LSAMP: variants seen among roughly 807,000 people sequenced by gnomAD.
LSAMP encodes limbic system associated membrane protein, also known as limbic system-associated membrane protein.
In LSAMP, 7 loss-of-function variants were observed where a neutral mutation model predicts 38.6. That is an observed-to-expected ratio of 0.18 (90% CI 0.10 to 0.34). The LOEUF (loss-of-function observed/expected upper bound fraction) is 0.34. Among genes scored for constraint, LSAMP ranks in the 10% least tolerant of loss-of-function variants. The pLI is 1.00. For missense variants in LSAMP, 313 were observed against 420.0 expected, an observed-to-expected ratio of 0.75 and a Z score of 2.23; for synonymous variants, 154 against 166.8, an observed-to-expected ratio of 0.92 and a Z score of 0.59.
At chr3:116,326,603 T>G (rs1407667301) in intron 1 of LSAMP, among the ~76,000 whole-genome samples, 1 of 152,206 alleles carries the variant, frequency 6.6e-6, no homozygotes, top group South Asian at 2.1e-4. Context: ...AAAGCCAGGG[T>G]TCAGTCCCTA....
intron 1 of LSAMP, among the ~76,000 whole-genome samples, chr3:116,199,428 A>G (rs2045959253): frequency 6.6e-6 from 1 of 152,112 alleles, no homozygotes; most frequent in South Asian, 2.1e-4. Context: ...ATGTTAGTTC[A>G]TTTGCTTTTA....
intron 1 of LSAMP, among the ~76,000 whole-genome samples, chr3:116,366,013 TAAAAAAAAAAAA>T (rs67452614): frequency 1.7e-4 from 5 of 28,686 alleles, no homozygotes; most frequent in East Asian, 3.6e-3. Context: ...TAGAGTATAA[TAAAAAAAAAAAA>T]AAAAAAAAAA....
In LSAMP at chr3:115,826,100, C is replaced by CTTTTATTTTTATTTTTAT. The variant is rs147152802; in HGVS notation, c.920-15704_920-15687dup. ...CTTCCCCTGCTTCTTCTCTTTCTGT[C>CTTTTATTTTTATTTTTAT]TTTTATTTTTATTTTTATTTTTATT... On this transcript the variant is annotated intron_variant, in intron 6 of 6. Coordinates refer to ENST00000490035, the MANE Select transcript of LSAMP (RefSeq NM_002338.5). 1.8e-3 allele frequency among the ~76,000 whole-genome samples: 266 copies of CTTTTATTTTTATTTTTAT among 149,134 alleles called. 4 individuals carry two copies. The highest frequency in any genetic ancestry group is 5.6e-3 in the African/African-American group (223 of 39,614).
At chr3:116,417,032 T>G (rs2049060151) in intron 1 of LSAMP, among the ~76,000 whole-genome samples, 4 of 152,158 alleles carry the variant, frequency 2.6e-5, no homozygotes, top group Admixed American at 2.6e-4. Context: ...TAAATTTGGA[T>G]GCAGTTTGTA....
intron 3 of LSAMP, among the ~76,000 whole-genome samples, chr3:115,923,105 G>A (rs1937420311): frequency 6.6e-6 from 1 of 152,128 alleles, no homozygotes; most frequent in Non-Finnish European, 1.5e-5. Context: ...TACAAAAGCT[G>A]TAGCAAGCTG....
intron 1 of LSAMP, among the ~76,000 whole-genome samples, chr3:116,406,772 G>A (rs925304982): frequency 3.3e-5 from 5 of 151,974 alleles, no homozygotes; most frequent in Admixed American, 2.0e-4. Flanking sequence ...GGTCACTTTT[G>A]ACAGAACTAA....
intron 1 of LSAMP, among the ~76,000 whole-genome samples, chr3:116,107,989 T>G (rs1708507184): frequency 6.6e-6 from 1 of 152,126 alleles, no homozygotes; most frequent in African/African-American, 2.4e-5. Flanking sequence ...TTTATAGGCT[T>G]TAAAAGGCCA....
intron 3 of LSAMP, among the ~76,000 whole-genome samples, chr3:115,981,180 C>G (rs1939349627): frequency 6.6e-6 from 1 of 152,134 alleles, no homozygotes; most frequent in African/African-American, 2.4e-5. Flanking sequence ...AAAGTAAGTT[C>G]AGCGATCAAT....
chr3:116,385,305 C>A (rs970723139), intron 1 of LSAMP, among the ~76,000 whole-genome samples: 1 of 152,088 alleles, frequency 6.6e-6, no homozygotes, highest in African/African-American at 2.4e-5. Context: ...TCCTTTAATT[C>A]TCAGCAAGCT....
intron 2 of LSAMP, among the ~76,000 whole-genome samples, chr3:116,064,566 G>C (rs963954626): frequency 6.7e-6 from 1 of 148,820 alleles, no homozygotes; most frequent in Non-Finnish European, 1.5e-5. Context: ...GTGTGAAAAA[G>C]CAGTAAAGCA....
chr3:115,991,980 G>C (rs1344611140), intron 3 of LSAMP, among the ~76,000 whole-genome samples: 1 of 152,030 alleles, frequency 6.6e-6, no homozygotes, highest in Non-Finnish European at 1.5e-5. Flanking sequence ...CATGCTACTA[G>C]ATTTTTTCCC....
At chr3:115,898,829 T>C (rs2107476697) in intron 3 of LSAMP, among the ~76,000 whole-genome samples, 1 of 152,120 alleles carries the variant, frequency 6.6e-6, no homozygotes, top group South Asian at 2.1e-4. Context: ...ACCCACTACA[T>C]AGCCACAAAG....
chr3:116,034,287 C>G (rs141918284), intron 2 of LSAMP, among the ~76,000 whole-genome samples: 1 of 151,946 alleles, frequency 6.6e-6, no homozygotes, highest in Admixed American at 6.6e-5. Context: ...CCAAACAGCT[C>G]CAGATGGACT....
At chr3:115,902,603 G>T (rs1936904786) in intron 3 of LSAMP, among the ~76,000 whole-genome samples, 1 of 152,070 alleles carries the variant, frequency 6.6e-6, no homozygotes, top group African/African-American at 2.4e-5. Context: ...TCTGTCAAAG[G>T]TTTAATATCC....
chr3:116,341,883 A>G (rs1232550042), intron 1 of LSAMP, among the ~76,000 whole-genome samples: 1 of 152,042 alleles, frequency 6.6e-6, no homozygotes, highest in Non-Finnish European at 1.5e-5. Context: ...GGAATGATGT[A>G]TTTATGGAAA....
chr3:115,881,950 G>A lies in LSAMP; in HGVS notation c.515-29333C>T, dbSNP rs187700096. On this transcript the variant is annotated intron_variant, in intron 3 of 6. Transcript: ENST00000490035. Reference sequence around the variant, plus strand: ...TCTGGAGAATTGCTGGTGGATGATAGCCAATATGTCCAGAAATTCCTGGCT... The same window carrying A: ...TCTGGAGAATTGCTGGTGGATGATAACCAATATGTCCAGAAATTCCTGGCT... 3.7e-3 allele frequency among the ~76,000 whole-genome samples: 561 copies of A among 152,212 alleles called. 1 individual carries two copies. Among genetic ancestry groups the A allele is most frequent in the Non-Finnish European group, 6.0e-3 (407 of 68,002 alleles).
intron 1 of LSAMP, among the ~76,000 whole-genome samples, chr3:116,254,428 A>T (rs868540074): frequency 6.6e-6 from 1 of 152,116 alleles, no homozygotes; most frequent in Non-Finnish European, 1.5e-5. Context: ...GGGGTGATAG[A>T]GGGAGAAAGA....
intron 1 of LSAMP, among the ~76,000 whole-genome samples, chr3:116,252,948 G>T (rs2046703578): frequency 6.6e-6 from 1 of 152,182 alleles, no homozygotes; most frequent in Admixed American, 6.5e-5. Context: ...ACAATAACCT[G>T]ACCATCTTAA....
At chr3:115,877,242 A>G (rs926186328) in intron 3 of LSAMP, among the ~76,000 whole-genome samples, 3 of 151,520 alleles carry the variant, frequency 2.0e-5, no homozygotes, top group African/African-American at 7.3e-5. Context: ...ATATCACAAC[A>G]CAAAGCTCCC....
Sources: gnomAD v4.1 joint callset for allele counts (sites outside exome capture counted in the v4.1 genomes callset) on GRCh38, gnomAD v4.1.1 for gene constraint, MANE v1.5 for transcripts, NCBI Gene and HGNC (gene_info 2026-07-23, HGNC 2026-07-21) for gene names.